Variants in KIF18A observed in about 807,000 individuals in gnomAD.
The protein encoded by KIF18A is kinesin-like protein KIF18A.
Under a neutral mutation model 103.3 loss-of-function variants are expected in KIF18A, and 67 were observed. The observed-to-expected ratio is 0.65, with a 90% CI of 0.53 to 0.79. The LOEUF (loss-of-function observed/expected upper bound fraction) is 0.79, where lower values mean the gene tolerates loss of function less well. Among genes scored for constraint, KIF18A ranks in the 30% least tolerant of loss-of-function variants. KIF18A has a pLI of 0.00. For missense variants in KIF18A, 1,032 were observed against 1,062.5 expected, an observed-to-expected ratio of 0.97 and a Z score of 0.40; for synonymous variants, 367 against 355.5, an observed-to-expected ratio of 1.03 and a Z score of -0.36.
intron 13 of KIF18A, among the ~76,000 whole-genome samples, chr11:28,049,917 T>G (rs1476350528): frequency 6.6e-6 from 1 of 151,754 alleles, no homozygotes; most frequent in East Asian, 1.9e-4. Flanking sequence ...TACCATTAAA[T>G]TAACCAAATA....
chr11:28,063,751 G>A (rs918054373), intron 11 of KIF18A, among the ~76,000 whole-genome samples: 2 of 151,878 alleles, frequency 1.3e-5, no homozygotes, highest in East Asian at 3.9e-4. Flanking sequence ...CCATATGCAG[G>A]GGAGCTATGC....
intron 11 of KIF18A, among the ~76,000 whole-genome samples, chr11:28,068,807 G>A (rs566257288): frequency 6.6e-6 from 1 of 152,226 alleles, no homozygotes; most frequent in South Asian, 2.1e-4. Flanking sequence ...ACTAAAGTTA[G>A]ACTACTGCAA....
At chr11:28,038,165 A>C (rs1850518137) in intron 13 of KIF18A, among the ~76,000 whole-genome samples, 1 of 151,648 alleles carries the variant, frequency 6.6e-6, no homozygotes. Flanking sequence ...TTAGTTGGGT[A>C]ATTCTTGGTC....
At chr11:28,086,762 A>T (rs1590705277) in intron 6 of KIF18A, among the ~76,000 whole-genome samples, 1 of 152,188 alleles carries the variant, frequency 6.6e-6, no homozygotes, top group East Asian at 1.9e-4. Context: ...CATGTACAAG[A>T]CATATATTAA....
intron 13 of KIF18A, among the ~76,000 whole-genome samples, chr11:28,057,297 C>CGA: frequency 6.6e-6 from 1 of 152,020 alleles, no homozygotes; most frequent in East Asian, 1.9e-4. Flanking sequence ...GGATGGATCA[C>CGA]GAGGTCAGGA....
At chr11:28,024,844 T>C (rs928745048) in intron 15 of KIF18A, among the ~76,000 whole-genome samples, 3 of 152,086 alleles carry the variant, frequency 2.0e-5, no homozygotes, top group East Asian at 3.9e-4. Flanking sequence ...CTAATAAAGA[T>C]ACTATATAGT....
chr11:28,079,250 T>G (rs1230787500), intron 9 of KIF18A, among the ~76,000 whole-genome samples: 2 of 152,022 alleles, frequency 1.3e-5, no homozygotes. Flanking sequence ...TTTTATGGAA[T>G]CAGTTACTCT....
chr11:28,021,975 A>G (rs1201647726), intron 16 of KIF18A, among the ~76,000 whole-genome samples: 1 of 152,196 alleles, frequency 6.6e-6, no homozygotes, highest in Non-Finnish European at 1.5e-5. Context: ...CTAACTGCTA[A>G]GTTAACAGGA....
Position 28,040,385 on chromosome 11 carries a change from G to T in KIF18A, c.1949-3721C>A, listed in dbSNP as rs1005054709. On this transcript the variant is annotated intron_variant, in intron 13 of 16. Coordinates refer to ENST00000263181, the MANE Select transcript of KIF18A (RefSeq NM_031217.4). ...GAAGAGCAGGCATGGGACAGTTGTAGTTTCCCCTGATTCAGCTTGGGAAAA... is the reference window on the plus strand; with the variant it reads ...GAAGAGCAGGCATGGGACAGTTGTATTTTCCCCTGATTCAGCTTGGGAAAA... Among the ~76,000 whole-genome samples the T allele has an allele frequency of 1.1e-4, 16 of 151,678 alleles. 1 individual carries two copies. The Admixed American group carries it at 1.1e-3, about 10-fold the overall frequency.
intron 5 of KIF18A, among the ~76,000 whole-genome samples, chr11:28,090,049 G>A (rs1851282010): frequency 6.6e-6 from 1 of 152,066 alleles, no homozygotes; most frequent in Non-Finnish European, 1.5e-5. Context: ...TTTCTTATAA[G>A]ATGTATCTCA....
At chr11:28,094,843 A>G (rs1851349156) in intron 2 of KIF18A, 43 bp from the exon 3 acceptor site, 2 of 1,566,058 alleles carry the variant, frequency 1.3e-6, no homozygotes, top group Non-Finnish European at 8.8e-7. Flanking sequence ...GTTATGAAAT[A>G]TAACTCTATT....
chr11:28,048,096 A>G (rs755415791), intron 13 of KIF18A, among the ~76,000 whole-genome samples: 17 of 152,168 alleles, frequency 1.1e-4, no homozygotes, highest in Non-Finnish European at 2.1e-4. Flanking sequence ...AATTCAGAAC[A>G]AACTATAACT....
chr11:28,043,509 C>T (rs548139693), intron 13 of KIF18A, among the ~76,000 whole-genome samples: 2 of 152,116 alleles, frequency 1.3e-5, no homozygotes, highest in East Asian at 1.9e-4. Context: ...CCACACAATG[C>T]TGAGCCCCTA....
At chr11:28,033,988 C>G (rs1474219108) in intron 15 of KIF18A, among the ~76,000 whole-genome samples, 1 of 151,522 alleles carries the variant, frequency 6.6e-6, no homozygotes, top group African/African-American at 2.4e-5. Context: ...TACGTACCCA[C>G]AAAAATAAAA....
chr11:28,044,194 G>A (rs1850599461), intron 13 of KIF18A, among the ~76,000 whole-genome samples: 2 of 151,914 alleles, frequency 1.3e-5, no homozygotes, highest in African/African-American at 4.8e-5. Flanking sequence ...CTGTAGACTG[G>A]GGCCAACATG....
At chr11:28,068,831 C>T (rs1331363923) in intron 11 of KIF18A, among the ~76,000 whole-genome samples, 3 of 152,086 alleles carry the variant, frequency 2.0e-5, no homozygotes, top group Non-Finnish European at 2.9e-5. Context: ...TGTAGCAGAA[C>T]ATAATTCTAA....
Position 28,084,797 on chromosome 11 carries a change from C to A in KIF18A, c.909G>T (p.Gln303His), listed in dbSNP as rs760235748. The change falls in exon 7 of 17, where the codon CAG becomes CAT. Residue 303 changes from glutamine to histidine, a missense_variant. Coordinates refer to ENST00000263181, the MANE Select transcript of KIF18A (RefSeq NM_031217.4). ...GCTTACTATTTCTGTAAGGGATATG[C>A]TGATTCTTTCTCTGAAAGCACAAAA... ...NALADSKRKN[Q>H]HIPYRNSKLT... is the part of the protein sequence containing the mutation. The A allele has an allele frequency of 6.2e-7, 1 of 1,608,700 alleles. No homozygotes were observed.
rs775437573 is a variant in KIF18A at position 28,033,158 on chromosome 11, TATC to T, written c.2504+2226_2504+2228del. 9.9e-5 allele frequency among the ~76,000 whole-genome samples: 15 copies of T among 151,860 alleles called. No individual in the cohort carries two copies. In the East Asian group the frequency reaches 1.6e-3, roughly 16 times the overall value. The stretch of plus-strand genomic sequence containing the variant: ...AATGTAAATCAAAACTACAATGAGA[TATC>T]ATCTCACCCCAGTTAAAATGGCTTT... On this transcript the variant is annotated intron_variant, in intron 15 of 16. Transcript: ENST00000263181.
intron 16 of KIF18A, 60 bp from the exon 17 acceptor site, chr11:28,021,342 T>C: frequency 8.4e-7 from 1 of 1,192,136 alleles, no homozygotes; most frequent in Non-Finnish European, 1.1e-6. Flanking sequence ...AAAGTTTTCA[T>C]CGTTCAACTT....
Sources: allele counts gnomAD v4.1 joint callset (sites outside exome capture counted in the v4.1 genomes callset), GRCh38; gene constraint gnomAD v4.1.1; transcripts MANE v1.5; gene names NCBI Gene and HGNC (gene_info 2026-07-23, HGNC 2026-07-21).